Variants in MX2 observed in about 807,000 individuals in gnomAD.
MX2 encodes interferon-induced GTP-binding protein Mx2.
In MX2, 51 loss-of-function variants were observed where a neutral mutation model predicts 74.0. The observed-to-expected ratio is 0.69, with a 90% CI of 0.55 to 0.87. The LOEUF is 0.87. MX2 is among the 40% of genes least tolerant of loss of function. MX2 has a pLI of 0.00. For missense variants in MX2, 832 were observed against 908.7 expected (o/e 0.92, Z 1.09); for synonymous variants, 369 against 339.3 (o/e 1.09, Z -0.96).
chr21:41,371,619 T>C (rs979224309), intron 1 of MX2, among the ~76,000 whole-genome samples: 1 of 152,154 alleles, frequency 6.6e-6, no homozygotes, highest in African/African-American at 2.4e-5. Context: ...CTCCTGGTCA[T>C]GTACAGCATC....
chr21:41,364,470 C>A, intron 1 of MX2: 1 of 154,352 alleles, frequency 6.5e-6, no homozygotes. Flanking sequence ...GCACCGGCTC[C>A]TCAAGCGTGG....
At chr21:41,376,558 A>G (rs974685993) in intron 1 of MX2, among the ~76,000 whole-genome samples, 1 of 152,022 alleles carries the variant, frequency 6.6e-6, no homozygotes, top group Non-Finnish European at 1.5e-5. Flanking sequence ...AACAACAACA[A>G]CAACAACTAC....
intron 6 of MX2, among the ~76,000 whole-genome samples, chr21:41,392,888 T>G (rs2089679446): frequency 6.6e-6 from 1 of 151,992 alleles, no homozygotes; most frequent in Admixed American, 6.6e-5. Flanking sequence ...GCGGATCACC[T>G]GAGGTCAGGA....
At chr21:41,376,189 C>G (rs921647732) in intron 1 of MX2, among the ~76,000 whole-genome samples, 1 of 152,142 alleles carries the variant, frequency 6.6e-6, no homozygotes, top group Non-Finnish European at 1.5e-5. Flanking sequence ...GTTCTCCTGC[C>G]TGGTGCTGAG....
intron 10 of MX2, among the ~76,000 whole-genome samples, chr21:41,400,236 C>G (rs907161941): frequency 2.0e-5 from 3 of 152,300 alleles, no homozygotes; most frequent in Non-Finnish European, 2.9e-5. Context: ...CACATGAAAT[C>G]GTTTACCATC....
chr21:41,402,008 A>G lies in MX2; in HGVS notation c.1453A>G (p.Lys485Glu). 2 of 1,613,998 alleles carry G rather than the reference A, an allele frequency of 1.2e-6. No individual in the cohort carries two copies. The highest frequency in any genetic ancestry group is 1.7e-6 in the Non-Finnish European group (2 of 1,180,000). The change falls in exon 11 of 14, where the codon AAG becomes GAG. Residue 485 changes from lysine to glutamate, a missense_variant. By Grantham distance (56) the Lys-to-Glu change is moderately conservative. Transcript: ENST00000330714. The surrounding 1 kb of genome is among the most constrained non-coding windows in gnomAD (Gnocchi z 4.5). ...CCACGAAGAAGTTGAAAAATATGAA[A>G]AGCAGTATCGAGGCAAGGAGCTTCT... ...IIHEEVEKYEKQYRGKELLGF... is the reference protein window; with the variant it reads ...IIHEEVEKYEEQYRGKELLGF...
chr21:41,398,834 C>G (rs2089769495), intron 8 of MX2, 63 bp from the exon 9 acceptor site: 3 of 1,580,118 alleles, frequency 1.9e-6, no homozygotes, highest in Non-Finnish European at 2.6e-6. Context: ...ACTCATATAC[C>G]AAAGAAATCA....
At chr21:41,383,479 G>A (rs1414991463) in intron 5 of MX2, among the ~76,000 whole-genome samples, 4 of 152,230 alleles carry the variant, frequency 2.6e-5, no homozygotes, top group African/African-American at 4.8e-5. Flanking sequence ...GCCAGTCCCC[G>A]GACCAGCCCT....
At chr21:41,375,092 C>T (rs1473478084) in intron 1 of MX2, among the ~76,000 whole-genome samples, 1 of 152,222 alleles carries the variant, frequency 6.6e-6, no homozygotes, top group African/African-American at 2.4e-5. Flanking sequence ...TCCCCACTTC[C>T]TCCAAGCCTT....
intron 10 of MX2, 41 bp downstream of exon 10, chr21:41,399,378 T>C: frequency 6.3e-7 from 1 of 1,599,544 alleles, no homozygotes; most frequent in Non-Finnish European, 8.5e-7. Context: ...AGGGTGGTAT[T>C]TACCCAGACC....
intron 3 of MX2, among the ~76,000 whole-genome samples, chr21:41,378,718 G>A (rs1289278111): frequency 6.6e-6 from 1 of 152,216 alleles, no homozygotes; most frequent in African/African-American, 2.4e-5. Flanking sequence ...GTACTGGAGA[G>A]TGTTTAGAAA....
intron 1 of MX2, among the ~76,000 whole-genome samples, chr21:41,362,750 CTTTTTTTTTTTTTTT>C (rs56903696): frequency 2.4e-5 from 2 of 82,158 alleles, no homozygotes; most frequent in Non-Finnish European, 4.6e-5. Flanking sequence ...GTTTTTTTTT[CTTTTTTTTTTTTTTT>C]TTTTTTTTTT....
chr21:41,397,084 T>C (rs999789029), intron 7 of MX2, among the ~76,000 whole-genome samples: 1 of 152,214 alleles, frequency 6.6e-6, no homozygotes, highest in African/African-American at 2.4e-5. Context: ...TGGGGAATAA[T>C]CCTGTGTGCT....
chr21:41,401,522 T>TA (rs1277265511), intron 10 of MX2: 2 of 154,722 alleles, frequency 1.3e-5, no homozygotes, highest in African/African-American at 4.8e-5. Flanking sequence ...TAAAGGCACA[T>TA]ACCACCATGC....
Position 41,395,668 on chromosome 21 carries a change from T to C in MX2, c.953T>C (p.Leu318Pro). 4.3e-6 allele frequency: 7 copies of C among 1,614,136 alleles called. No individual in the cohort carries two copies. The highest frequency in any genetic ancestry group is 5.9e-6 in the Non-Finnish European group (7 of 1,180,030). The part of the protein sequence containing the change: ...MNVVRNLTYP[L>P]KKGYMIVKCR... ...GTGGTGCGGAACCTCACGTACCCCCTCAAGAAGGGCTACATGATTGTGAAG... is the reference window on the plus strand; with the variant it reads ...GTGGTGCGGAACCTCACGTACCCCCCCAAGAAGGGCTACATGATTGTGAAG... Residue 318 changes from leucine to proline, a missense_variant, in exon 7 of 14, where the codon CTC becomes CCC. Transcript: ENST00000330714.
In MX2 at chr21:41,377,923, C is replaced by T; in HGVS notation, c.384C>T (p.Ser128=). ...CCATCGCCGTCATCGGGGACCAGAG[C>T]TCGGGCAAGAGCTCTGTGCTGGAGG... The part of the protein sequence containing the change: ...LPAIAVIGDQ[S]SGKSSVLEAL... The change falls in exon 3 of 14, where the codon AGC becomes AGT. Residue 128 remains serine (S), a synonymous_variant. Coordinates refer to ENST00000330714, the MANE Select transcript of MX2 (RefSeq NM_002463.2). 6.2e-7 allele frequency: 1 copy of T among 1,614,196 alleles called. No homozygotes were observed. The highest frequency in any genetic ancestry group is 1.3e-5 in the African/African-American group (1 of 75,078).
chr21:41,399,380 A>G, intron 10 of MX2, 43 bp downstream of exon 10: 1 of 1,595,998 alleles, frequency 6.3e-7, no homozygotes, highest in South Asian at 1.1e-5. Flanking sequence ...GGTGGTATTT[A>G]CCCAGACCAG....
intron 12 of MX2, among the ~76,000 whole-genome samples, chr21:41,405,570 T>C (rs1323299501): frequency 1.3e-5 from 2 of 152,002 alleles, no homozygotes; most frequent in Non-Finnish European, 2.9e-5. Context: ...ACTAATTGCC[T>C]CCCACTTCCC....
At position 41,377,033 on chromosome 21, in the gene MX2, A is replaced by G; in HGVS notation, c.127A>G (p.Met43Val). The G allele has an allele frequency of 3.7e-6, 6 of 1,614,216 alleles. No individual in the cohort carries two copies. The highest frequency in any genetic ancestry group is 4.2e-6 in the Non-Finnish European group (5 of 1,180,040). The change falls in exon 2 of 14, where the codon ATG (methionine) becomes GTG (valine). Residue 43 changes from methionine to valine, a missense_variant. Transcript: ENST00000330714. Reference sequence around the variant, plus strand: ...GCCATTCGGCACAGTGCCACCACAAATGATGTTTCCTCCAAACTGGCAGGG... The same window carrying G: ...GCCATTCGGCACAGTGCCACCACAAGTGATGTTTCCTCCAAACTGGCAGGG... The part of the protein sequence containing the change: ...PPPFGTVPPQ[M>V]MFPPNWQGAE...
Sources: gnomAD v4.1 joint callset for allele counts (sites outside exome capture counted in the v4.1 genomes callset) on GRCh38, gnomAD v4.1.1 for gene constraint, Gnocchi (gnomAD v3.1) non-coding constraint, MANE v1.5 for transcripts, NCBI Gene and HGNC (gene_info 2026-07-23, HGNC 2026-07-21) for gene names.